TPST2: variants seen among roughly 807,000 people sequenced by gnomAD.
TPST2 encodes the protein tyrosylprotein sulfotransferase 2.
In TPST2, 16 loss-of-function variants were observed where a neutral mutation model predicts 27.8. That is an observed-to-expected ratio of 0.58 (90% confidence interval 0.39 to 0.88). TPST2 has a LOEUF of 0.88. Among genes scored for constraint, TPST2 ranks in the 40% least tolerant of loss-of-function variants. The probability of loss-of-function intolerance (pLI) is 0.00; values close to 1 mark genes in which losing one functional copy is unlikely to be tolerated. For missense variants in TPST2, 464 were observed against 543.1 expected, an observed-to-expected ratio of 0.85 and a Z score of 1.45; for synonymous variants, 229 against 231.7, an observed-to-expected ratio of 0.99 and a Z score of 0.10.
chr22:26,557,144 C>T (rs1028491145), intron 1 of TPST2, among the ~76,000 whole-genome samples: 2 of 152,236 alleles, frequency 1.3e-5, no homozygotes, highest in African/African-American at 4.8e-5. Flanking sequence ...ACCTTGGCTA[C>T]TAAGTTAGCA....
intron 1 of TPST2, among the ~76,000 whole-genome samples, chr22:26,553,784 C>A (rs1465191606): frequency 6.6e-6 from 1 of 152,116 alleles, no homozygotes; most frequent in Non-Finnish European, 1.5e-5. Context: ...CTACACGTAT[C>A]CTCCCATATA....
At chr22:26,578,845 C>G (rs997440335) in intron 1 of TPST2, among the ~76,000 whole-genome samples, 1 of 148,358 alleles carries the variant, frequency 6.7e-6, no homozygotes, top group Non-Finnish European at 1.5e-5. Context: ...GACCCTATTT[C>G]TTTCTTTCTT....
At chr22:26,572,740 T>C (rs111925759) in intron 1 of TPST2, among the ~76,000 whole-genome samples, 36 of 152,224 alleles carry the variant, frequency 2.4e-4, no homozygotes, top group African/African-American at 7.5e-4. Flanking sequence ...CCACTGTGAG[T>C]GCTCACGGGC....
At chr22:26,568,478 T>C (rs992811590) in intron 1 of TPST2, among the ~76,000 whole-genome samples, 1 of 152,110 alleles carries the variant, frequency 6.6e-6, no homozygotes, top group Non-Finnish European at 1.5e-5. Flanking sequence ...AAAGACCCCA[T>C]TAATAAAACA....
intron 1 of TPST2, among the ~76,000 whole-genome samples, chr22:26,579,547 T>G (rs1282802060): frequency 2.6e-5 from 4 of 152,168 alleles, no homozygotes; most frequent in Admixed American, 6.5e-5. Flanking sequence ...ACCTGGGAAG[T>G]AGCTACTACC....
chr22:26,570,029 A>AAGAG (rs1284785627), intron 1 of TPST2, among the ~76,000 whole-genome samples: 88 of 126,736 alleles, frequency 6.9e-4, no homozygotes, highest in African/African-American at 2.9e-3. Context: ...GAAAGAAAGA[A>AAGAG]AGAAAGAAAG....
intron 1 of TPST2, among the ~76,000 whole-genome samples, chr22:26,571,528 G>A (rs769008064): frequency 1.1e-4 from 17 of 151,902 alleles, no homozygotes; most frequent in Non-Finnish European, 2.1e-4. Context: ...CTCTGTTTCC[G>A]GAGCATTGCA....
chr22:26,553,649 C>CTCATTTTTTTTTTTTTTTTTTATTTT (rs1555931704), intron 1 of TPST2, among the ~76,000 whole-genome samples: 2 of 151,590 alleles, frequency 1.3e-5, no homozygotes, highest in African/African-American at 4.9e-5. Context: ...TGAGCTACTG[C>CTCATTTTTTTTTTTTTTTTTTATTTT]ACCTGGCTGG....
At chr22:26,570,882 A>G (rs1160388681) in intron 1 of TPST2, among the ~76,000 whole-genome samples, 2 of 152,232 alleles carry the variant, frequency 1.3e-5, no homozygotes, top group Non-Finnish European at 2.9e-5. Flanking sequence ...CCTTTAAAAC[A>G]GAGCCAGAAT....
chr22:26,535,464 G>C (rs537726412), intron 4 of TPST2, among the ~76,000 whole-genome samples: 1 of 152,210 alleles, frequency 6.6e-6, no homozygotes, highest in South Asian at 2.1e-4. Context: ...CCCAGTGGGT[G>C]TTAGCCTACT....
At chr22:26,556,903 T>TATGTGGA in intron 1 of TPST2, among the ~76,000 whole-genome samples, 1 of 152,180 alleles carries the variant, frequency 6.6e-6, no homozygotes, top group African/African-American at 2.4e-5. Context: ...GAGCATGGTT[T>TATGTGGA]GCATGTTCTG....
intron 1 of TPST2, among the ~76,000 whole-genome samples, chr22:26,569,716 G>A (rs1169775699): frequency 1.3e-5 from 2 of 151,900 alleles, no homozygotes; most frequent in Non-Finnish European, 2.9e-5. Context: ...TTGGGAGGCT[G>A]AGGCAGGAGG....
At chr22:26,537,232 T>C (rs2147183148) in intron 3 of TPST2, among the ~76,000 whole-genome samples, 1 of 152,294 alleles carries the variant, frequency 6.6e-6, no homozygotes, top group East Asian at 1.9e-4. Context: ...TCTCTAACCT[T>C]TTCTTGTAGA....
Position 26,571,485 on chromosome 22 carries a change from T to C in TPST2, c.-161+18568A>G, listed in dbSNP as rs139405777. On this transcript the variant is annotated intron_variant, in intron 1 of 6. Transcript: ENST00000338754. Reference sequence around the variant, plus strand: ...TAACACATCATATGATTGACTTACATATTCTGCATTCATTGTCTGGGAGCC... The same window carrying C: ...TAACACATCATATGATTGACTTACACATTCTGCATTCATTGTCTGGGAGCC... 3.1e-3 allele frequency among the ~76,000 whole-genome samples: 465 copies of C among 152,232 alleles called. 3 individuals are homozygous for C. Among genetic ancestry groups the C allele is most frequent in the African/African-American group, 0.011 (451 of 41,530 alleles).
At chr22:26,534,557 T>C (rs1925344234) in intron 4 of TPST2, among the ~76,000 whole-genome samples, 2 of 152,300 alleles carry the variant, frequency 1.3e-5, no homozygotes, top group South Asian at 4.1e-4. Context: ...GTCCGACCCA[T>C]AGCCTGGGGC....
At chr22:26,559,888 C>G (rs13056233) in intron 1 of TPST2, among the ~76,000 whole-genome samples, 24,165 of 152,152 alleles carry the variant, frequency 0.16, 2,180 homozygotes, top group South Asian at 0.3. Flanking sequence ...ACCTCCTAGC[C>G]TGGACAGCAG....
chr22:26,589,224 G>C (rs1368737785), intron 1 of TPST2, among the ~76,000 whole-genome samples: 2 of 152,130 alleles, frequency 1.3e-5, no homozygotes, highest in African/African-American at 4.8e-5. Context: ...CAAGAGGTTA[G>C]GCACGGTTCT....
At chr22:26,558,120 TACACACACACACACACAC>T (rs71192941) in intron 1 of TPST2, among the ~76,000 whole-genome samples, 59,272 of 141,236 alleles carry the variant, frequency 0.42, 12,937 homozygotes, top group Non-Finnish European at 0.47. Flanking sequence ...ATATATATAA[TACACACACACACACACAC>T]ACACACACAC....
In TPST2 at chr22:26,531,325, C is replaced by T. The variant is rs574143699; in HGVS notation, c.1092+1370G>A. Among the ~76,000 whole-genome samples, 6 of 152,208 alleles carry T rather than the reference C, an allele frequency of 3.9e-5. No homozygotes were observed. In the East Asian group the frequency reaches 5.8e-4, roughly 15 times the overall value. On this transcript the variant is annotated intron_variant, in intron 5 of 6. Coordinates refer to ENST00000338754, the MANE Select transcript of TPST2 (RefSeq NM_003595.5). ...AGCACATGCATTCCACAGAACACTA[C>T]GTAGCCATCCAAAATGGTGCCGGTG... is the stretch of plus-strand genomic sequence containing the variant.
Sources: allele counts gnomAD v4.1 joint callset (sites outside exome capture counted in the v4.1 genomes callset), GRCh38; gene constraint gnomAD v4.1.1; transcripts MANE v1.5; gene names NCBI Gene and HGNC (gene_info 2026-07-23, HGNC 2026-07-21).